Variants in CEP120 observed in about 807,000 individuals in gnomAD.
CEP120 encodes the protein centrosomal protein 120, also known as centrosomal protein of 120 kDa.
A neutral mutation model predicts 126.5 loss-of-function variants in CEP120; 113 were observed. The observed-to-expected ratio is 0.89, with a 90% CI of 0.77 to 1.04. CEP120 has a LOEUF of 1.04. Among genes scored for constraint, CEP120 ranks in the 50% least tolerant of loss-of-function variants. CEP120 has a pLI of 0.00. For synonymous variants in CEP120, 400 were observed against 394.3 expected (o/e 1.01, Z -0.17); for missense variants, 1,230 against 1,155.7 (o/e 1.06, Z -0.93).
chr5:123,374,915 C>A (rs746900153), intron 16 of CEP120, among the ~76,000 whole-genome samples: 1 of 152,048 alleles, frequency 6.6e-6, no homozygotes, highest in Non-Finnish European at 1.5e-5. Context: ...GGCTCTTTTT[C>A]CTTTGCTAAG....
Position 123,385,137 on chromosome 5 carries a change from A to C in CEP120, c.1581-4T>G. ...TAGTTCAACCAGTAATGGAATCCTA[A>C]GGAAGAGAGAAACATGTGTTCATAC... On this transcript the variant is annotated splice_polypyrimidine_tract_variant and splice_region_variant and intron_variant, in intron 10 of 19. Transcript: ENST00000306467. The C allele has an allele frequency of 6.2e-7, 1 of 1,607,658 alleles. No individual in the cohort carries two copies. The highest frequency in any genetic ancestry group is 8.5e-7 in the Non-Finnish European group (1 of 1,177,206).
chr5:123,353,053 T>C (rs561950043), intron 18 of CEP120, among the ~76,000 whole-genome samples: 41 of 152,116 alleles, frequency 2.7e-4, no homozygotes, highest in African/African-American at 9.6e-4. Context: ...ATCTGTGTTA[T>C]CTGCAAATAA....
chr5:123,419,326 C>G (rs191750252), intron 1 of CEP120, among the ~76,000 whole-genome samples: 6 of 152,278 alleles, frequency 3.9e-5, no homozygotes, highest in African/African-American at 1.2e-4. Flanking sequence ...TTGCCTGCAG[C>G]TTAATTTTTC....
chr5:123,380,817 A>G (rs921746815), intron 14 of CEP120, among the ~76,000 whole-genome samples: 1 of 152,132 alleles, frequency 6.6e-6, no homozygotes, highest in Admixed American at 6.6e-5. Flanking sequence ...TGAATATCTA[A>G]TAGGTGAGGT....
rs1388154295 is a variant in CEP120 at position 123,400,817 on chromosome 5, C to T, written c.464-1533G>A. ...TGGACTGAGGCCTAGGGCTGAGCCT[C>T]AGGTGGGTCTCCTGTTCCCAGTGCT... On this transcript the variant is annotated intron_variant, in intron 4 of 19. Coordinates refer to ENST00000306467, the MANE Select transcript of CEP120 (RefSeq NM_001375405.1). 19 of 814,770 alleles carry T rather than the reference C, an allele frequency of 2.3e-5. No homozygotes were observed. In the African/African-American group the frequency reaches 2.8e-4, roughly 12 times the overall value. 50.5% of individuals were successfully genotyped at this position (814,770 alleles called of 1,614,324 possible).
intron 1 of CEP120, among the ~76,000 whole-genome samples, chr5:123,422,006 C>G (rs960956076): frequency 1.3e-5 from 2 of 152,192 alleles, no homozygotes; most frequent in African/African-American, 4.8e-5. Flanking sequence ...CAAGATGACT[C>G]CTTCTTAACA....
intron 17 of CEP120, 111 bp downstream of exon 17, chr5:123,372,539 T>A: frequency 1.8e-6 from 2 of 1,100,914 alleles, no homozygotes; most frequent in Non-Finnish European, 2.7e-6. Flanking sequence ...GCATTCTTAT[T>A]TGACATCAGA....
At chr5:123,355,613 G>T (rs554102300) in intron 18 of CEP120, among the ~76,000 whole-genome samples, 7 of 151,736 alleles carry the variant, frequency 4.6e-5, no homozygotes, top group Non-Finnish European at 8.8e-5. Context: ...CATATCCTTC[G>T]CCCACTTTTT....
At chr5:123,391,962 T>C (rs1400357951) in intron 6 of CEP120, among the ~76,000 whole-genome samples, 1 of 151,834 alleles carries the variant, frequency 6.6e-6, no homozygotes, top group Non-Finnish European at 1.5e-5. Context: ...TTTTGACAAG[T>C]ACAAAAAAAA....
intron 5 of CEP120, among the ~76,000 whole-genome samples, chr5:123,394,527 G>T (rs1772636169): frequency 6.6e-6 from 1 of 152,158 alleles, no homozygotes; most frequent in South Asian, 2.1e-4. Flanking sequence ...ACCTCCTGCT[G>T]TGTAGCCGGT....
chr5:123,417,997 A>G (rs1334466260), intron 2 of CEP120, among the ~76,000 whole-genome samples: 1 of 152,228 alleles, frequency 6.6e-6, no homozygotes, highest in Non-Finnish European at 1.5e-5. Context: ...AAACGTAATG[A>G]CAGATACAAA....
At chr5:123,353,138 T>C (rs1174125270) in intron 18 of CEP120, among the ~76,000 whole-genome samples, 1 of 151,970 alleles carries the variant, frequency 6.6e-6, no homozygotes, top group Non-Finnish European at 1.5e-5. Context: ...CTAGAACACC[T>C]CTAATACAAT....
chr5:123,401,192 C>T, intron 4 of CEP120: 1 of 1,612,654 alleles, frequency 6.2e-7, no homozygotes. Flanking sequence ...TCTCGATGTC[C>T]AGGGCCAGCC....
intron 4 of CEP120, among the ~76,000 whole-genome samples, chr5:123,411,730 T>C (rs779798316): frequency 6.6e-6 from 1 of 152,072 alleles, no homozygotes; most frequent in South Asian, 2.1e-4. Context: ...ATTTTTAGGG[T>C]GGTGAAACTA....
At chr5:123,393,538 A>T (rs1358083170) in intron 5 of CEP120, 41 bp from the exon 6 acceptor site, 1 of 1,491,006 alleles carries the variant, frequency 6.7e-7, no homozygotes. Flanking sequence ...TTACTTTCTA[A>T]ACTACTGAAC....
chr5:123,397,954 C>A (rs2127087227), intron 5 of CEP120, among the ~76,000 whole-genome samples: 1 of 152,136 alleles, frequency 6.6e-6, no homozygotes, highest in African/African-American at 2.4e-5. Flanking sequence ...TGTGGTGGCA[C>A]ATGCCTATAA....
At chr5:123,359,950 A>G (rs1438813561) in intron 18 of CEP120, among the ~76,000 whole-genome samples, 1 of 151,966 alleles carries the variant, frequency 6.6e-6, no homozygotes, top group Non-Finnish European at 1.5e-5. Context: ...TGTCATTAAC[A>G]TTTATTAACA....
chr5:123,377,596 A>T lies in CEP120; in HGVS notation c.2197-61T>A. The T allele has an allele frequency of 7.0e-6, 9 of 1,280,988 alleles. No homozygotes were observed. The South Asian group carries it at 1.2e-4, about 17-fold the overall frequency. 79.4% of individuals were successfully genotyped at this position (1,280,988 alleles called of 1,614,324 possible). A position where few individuals can be genotyped will look rare whatever the true frequency, so the allele number is the denominator to read the frequency against. ...TGCTAGCTGCATTATACTATTCGAT[A>T]TTCCAATATCTTTCTATACACTCAA... On this transcript the variant is annotated intron_variant, in intron 15 of 19. Coordinates refer to ENST00000306467, the MANE Select transcript of CEP120 (RefSeq NM_001375405.1).
In CEP120 at chr5:123,349,995, G is replaced by GTATC; in HGVS notation, c.2671_2674dup (p.Thr892ArgfsTer16). ...CAATTCTTGTCGCTCGGTTTTTACT[G>GTATC]TATCTTTTTCCTCAGCGGCAAGGTA... On this transcript the variant is annotated frameshift_variant, in exon 19 of 20. Transcript: ENST00000306467. LOFTEE classifies it high-confidence loss of function. 6.2e-7 allele frequency: 1 copy of GTATC among 1,613,498 alleles called. No individual in the cohort carries two copies. The highest frequency in any genetic ancestry group is 1.1e-5 in the South Asian group (1 of 91,034).
Sources: allele counts gnomAD v4.1 joint callset (sites outside exome capture counted in the v4.1 genomes callset), GRCh38; gene constraint gnomAD v4.1.1; transcripts MANE v1.5; gene names NCBI Gene and HGNC (gene_info 2026-07-23, HGNC 2026-07-21).